MMP25: variants seen among roughly 807,000 people sequenced by gnomAD.
MMP25 encodes the protein matrix metalloproteinase-25.
Under a neutral mutation model 62.1 loss-of-function variants are expected in MMP25, and 68 were observed. The observed-to-expected ratio is 1.10, with a 90% CI of 0.90 to 1.34. The LOEUF is 1.34. Among genes scored for constraint, MMP25 ranks in the 40% most tolerant of loss-of-function variants. The probability of loss-of-function intolerance (pLI) is 0.00; values close to 1 mark genes in which losing one functional copy is unlikely to be tolerated. For missense variants in MMP25, 942 were observed against 792.5 expected (o/e 1.19, Z -2.26); for synonymous variants, 407 against 345.6 (o/e 1.18, Z -1.97).
At position 3,059,065 on chromosome 16, in the gene MMP25, G is replaced by T; in HGVS notation, c.1656G>T (p.Leu552Phe). 6.5e-7 allele frequency: 1 copy of T among 1,549,956 alleles called. No individual in the cohort carries two copies. Among genetic ancestry groups the T allele is most frequent in the Non-Finnish European group, 8.7e-7 (1 of 1,146,260 alleles). The change falls in exon 10 of 10, where the codon TTG becomes TTT. Residue 552 changes from leucine to phenylalanine, a missense_variant. By Grantham distance (22) the Leu-to-Phe change is conservative. Coordinates refer to ENST00000336577, the MANE Select transcript of MMP25 (RefSeq NM_022468.5). ...RWPAPIPLLL[L>F]PLLVGGVASR ...CTGCTCCCATCCCGCTGCTCCTCTT[G>T]CCCCTGCTGGTGGGGGGTGTAGCCT...
chr16:3,056,045 G>C, intron 4 of MMP25: 1 of 424,688 alleles, frequency 2.4e-6, no homozygotes, highest in Non-Finnish European at 4.8e-6. Context: ...TTCCCAAGGA[G>C]ATGGAGGAAG....
intron 4 of MMP25, chr16:3,052,635 G>C (rs1044126436): frequency 6.5e-6 from 1 of 153,254 alleles, no homozygotes; most frequent in Non-Finnish European, 1.5e-5. Flanking sequence ...GGGAGATGAG[G>C]CTGGGGCCCT....
At chr16:3,057,742 G>A in intron 7 of MMP25, 129 bp downstream of exon 7, 1 of 844,208 alleles carries the variant, frequency 1.2e-6, no homozygotes, top group Non-Finnish European at 2.0e-6. Context: ...TTTGTTGCCT[G>A]GGCCGCAGTG....
At position 3,058,566 on chromosome 16, in the gene MMP25, C is replaced by G. The variant is rs775609149; in HGVS notation, c.1314C>G (p.Arg438=). ...TYLVRGRQYW[R]YDEAAARPDP... is the part of the protein sequence containing the mutation. ...TGGTCCGCGGCCGGCAGTACTGGCGCTACGACGAGGCGGCGGCGCGCCCGG... is the reference window on the plus strand; with the variant it reads ...TGGTCCGCGGCCGGCAGTACTGGCGGTACGACGAGGCGGCGGCGCGCCCGG... Residue 438 remains arginine, a synonymous_variant, in exon 9 of 10, where the codon CGC becomes CGG. Coordinates refer to ENST00000336577, the MANE Select transcript of MMP25 (RefSeq NM_022468.5). The G allele has an allele frequency of 1.2e-6, 2 of 1,610,594 alleles. No homozygotes were observed. Among genetic ancestry groups the G allele is most frequent in the East Asian group, 4.5e-5 (2 of 44,782 alleles).
At position 3,046,780 on chromosome 16, in the gene MMP25, C is replaced by T; in HGVS notation, c.-138C>T. On this transcript the variant is annotated 5_prime_UTR_variant, in exon 1 of 10. Transcript: ENST00000336577. The stretch of plus-strand genomic sequence containing the variant: ...CCCGGGACCCCCACACACATCCCAG[C>T]CCTCCGGCCGATCCCTCCCTACTCG... 1 of 479,032 alleles carries T rather than the reference C, an allele frequency of 2.1e-6. No homozygotes were observed. The highest frequency in any genetic ancestry group is 3.6e-6 in the Non-Finnish European group (1 of 277,488). The allele number at this position is 479,032 out of a possible 1,614,324, so 29.7% of individuals were successfully genotyped here.
chr16:3,056,091 G>C (rs1441014134), intron 4 of MMP25: 17 of 341,062 alleles, frequency 5.0e-5, no homozygotes, highest in Non-Finnish European at 9.5e-5. Context: ...AGGGAGAGGA[G>C]GGGCAGAGGC....
At chr16:3,048,888 C>G (rs1052599266) in intron 2 of MMP25, among the ~76,000 whole-genome samples, 4 of 150,930 alleles carry the variant, frequency 2.7e-5, no homozygotes, top group African/African-American at 9.8e-5. Context: ...TCATTGCAAT[C>G]TCTGCCTCCC....
rs1041610040 is a variant in MMP25, at chr16:3,057,584, A to G, written c.977A>G (p.Asn326Ser). ...RCEGNFDAIA[N>S]IRGETFFFKG... ...GAGGGCAATTTTGACGCCATCGCCA[A>G]CATCCGAGGGGAAACTTTCTTCTTC... is the stretch of plus-strand genomic sequence containing the variant. Residue 326 changes from asparagine to serine, a missense_variant, in exon 7 of 10, where the codon AAC becomes AGC. Asn to Ser is a conservative substitution (Grantham distance 46, BLOSUM62 1). Transcript: ENST00000336577. 1 of 1,614,156 alleles carries G rather than the reference A, an allele frequency of 6.2e-7. No homozygotes were observed.
intron 4 of MMP25, chr16:3,056,790 T>C: frequency 2.2e-6 from 1 of 461,754 alleles, no homozygotes; most frequent in Non-Finnish European, 3.8e-6. Context: ...AGGTGGCCTA[T>C]TCCTCTGTGT....
In MMP25 at chr16:3,047,283, C is replaced by A; in HGVS notation, c.100-132C>A. The A allele has an allele frequency of 2.2e-6, 3 of 1,349,412 alleles. No homozygotes were observed. The South Asian group carries it at 4.3e-5, about 19-fold the overall frequency. The allele number at this position is 1,349,412 out of a possible 1,614,324, so 83.6% of individuals were successfully genotyped here. A position where few individuals can be genotyped will look rare whatever the true frequency, so the allele number is the denominator to read the frequency against. On this transcript the variant is annotated intron_variant, in intron 1 of 9. Coordinates refer to ENST00000336577, the MANE Select transcript of MMP25 (RefSeq NM_022468.5). ...TGAAGCGGGGACCTATGGAGGGGAG[C>A]AGGCAGGCATCCGGGGCTGGGGCCC...
Position 3,059,039 on chromosome 16 carries a change from C to G in MMP25, c.1630C>G (p.Pro544Ala). 1 of 1,552,996 alleles carries G rather than the reference C, an allele frequency of 6.4e-7. No individual in the cohort carries two copies. Among genetic ancestry groups the G allele is most frequent in the Non-Finnish European group, 8.7e-7 (1 of 1,147,962 alleles). The part of the protein sequence containing the change: ...CELNQAAGRW[P>A]APIPLLLLPL... ...GCTCAACCAGGCCGCAGGACGTTGG[C>G]CTGCTCCCATCCCGCTGCTCCTCTT... is the stretch of plus-strand genomic sequence containing the variant. The change falls in exon 10 of 10, where the codon CCT becomes GCT. Residue 544 changes from proline (P) to alanine (A), a missense_variant. Physicochemically the swap from Pro to Ala is conservative, Grantham distance 27. Transcript: ENST00000336577.
At chr16:3,052,463 G>C (rs2717670) in intron 4 of MMP25, 1 of 151,732 alleles carries the variant, frequency 6.6e-6, no homozygotes, top group African/African-American at 2.4e-5. Context: ...CAGCTTCAGC[G>C]GGGGGCAGGG....
At chr16:3,057,951 T>C (rs1312192142) in intron 7 of MMP25, 1 of 583,956 alleles carries the variant, frequency 1.7e-6, no homozygotes, top group African/African-American at 1.9e-5. Flanking sequence ...GATTCTCCGG[T>C]GTCAGCCTCC....
At chr16:3,050,605 T>C in intron 4 of MMP25, 59 bp downstream of exon 4, 2 of 1,458,650 alleles carry the variant, frequency 1.4e-6, no homozygotes, top group South Asian at 2.8e-5. Flanking sequence ...AGAATAAGTT[T>C]TCTGTTGTGT....
chr16:3,052,304 G>C (rs1159406574), intron 4 of MMP25: 4 of 152,208 alleles, frequency 2.6e-5, no homozygotes, highest in Non-Finnish European at 5.9e-5. Flanking sequence ...AATGACCCGG[G>C]ACATATGAGG....
At chr16:3,056,270 A>G (rs1341751681) in intron 4 of MMP25, 4 of 253,040 alleles carry the variant, frequency 1.6e-5, no homozygotes, top group South Asian at 4.0e-5. Flanking sequence ...GTCGCTGACT[A>G]TAGACTGTAG....
intron 4 of MMP25, chr16:3,055,871 G>C (rs765091954): frequency 3.7e-5 from 17 of 455,428 alleles, no homozygotes; most frequent in Admixed American, 3.3e-4. Flanking sequence ...GCGGCTCACC[G>C]GTTGATGAGG....
chr16:3,055,840 A>T (rs1254153927), intron 4 of MMP25: 1 of 455,350 alleles, frequency 2.2e-6, no homozygotes, highest in East Asian at 7.0e-5. Context: ...GCCTCTCAGC[A>T]GCTGGAGCAG....
Position 3,058,996 on chromosome 16 carries a change from C to A in MMP25, c.1587C>A (p.Thr529=). The A allele has an allele frequency of 6.4e-7, 1 of 1,556,742 alleles. No individual in the cohort carries two copies. The highest frequency in any genetic ancestry group is 8.7e-7 in the Non-Finnish European group (1 of 1,150,110). Residue 529 remains threonine (T), a synonymous_variant, in exon 10 of 10, where the codon ACC becomes ACA. Coordinates refer to ENST00000336577, the MANE Select transcript of MMP25 (RefSeq NM_022468.5). The stretch of plus-strand genomic sequence containing the variant: ...CCAAAGCGACCCCCGTGTCCGAAAC[C>A]TGCGATTGTCAGTGCGAGCTCAACC... ...RPPKATPVSE[T]CDCQCELNQA... is the part of the protein sequence containing the mutation.
Sources: gnomAD v4.1 joint callset for allele counts (sites outside exome capture counted in the v4.1 genomes callset) on GRCh38, gnomAD v4.1.1 for gene constraint, MANE v1.5 for transcripts, NCBI Gene and HGNC (gene_info 2026-07-23, HGNC 2026-07-21) for gene names.